Variants in CACNA1S observed in about 807,000 individuals in gnomAD.
CACNA1S encodes voltage-dependent L-type calcium channel subunit alpha-1S.
Under a neutral mutation model 207.4 loss-of-function variants are expected in CACNA1S, and 126 were observed. That is an observed-to-expected ratio of 0.61 (90% CI 0.53 to 0.70). The LOEUF (loss-of-function observed/expected upper bound fraction) is 0.70, where lower values mean the gene tolerates loss of function less well. Among genes scored for constraint, CACNA1S ranks in the 30% least tolerant of loss-of-function variants. The probability of loss-of-function intolerance (pLI) is 0.00; values close to 1 mark genes in which losing one functional copy is unlikely to be tolerated. For synonymous variants in CACNA1S, 960 were observed against 932.7 expected, an observed-to-expected ratio of 1.03 and a Z score of -0.53; for missense variants, 2,349 against 2,422.8, an observed-to-expected ratio of 0.97 and a Z score of 0.64.
At chr1:201,097,097 G>A (rs1662460725) in intron 2 of CACNA1S, among the ~76,000 whole-genome samples, 1 of 152,034 alleles carries the variant, frequency 6.6e-6, no homozygotes, top group Non-Finnish European at 1.5e-5. Flanking sequence ...GGGTCCCAGT[G>A]TCCAGCAGGT....
At chr1:201,071,047 C>T (rs543028338) in intron 16 of CACNA1S, among the ~76,000 whole-genome samples, 1 of 152,274 alleles carries the variant, frequency 6.6e-6, no homozygotes, top group East Asian at 1.9e-4. Flanking sequence ...CAAGCACATT[C>T]ACTGAGTCTC....
chr1:201,059,401 C>A (rs984438367), intron 26 of CACNA1S, 102 bp from the exon 27 acceptor site: 10 of 706,758 alleles, frequency 1.4e-5, no homozygotes, highest in Admixed American at 7.1e-5. Context: ...AGCCCCCAAC[C>A]CTTTCTTGGG....
intron 26 of CACNA1S, among the ~76,000 whole-genome samples, chr1:201,059,567 C>A (rs767097975): frequency 1.3e-5 from 2 of 152,230 alleles, no homozygotes; most frequent in Non-Finnish European, 2.9e-5. Flanking sequence ...CTGCTGAGTG[C>A]GTTCATTTAC....
At chr1:201,106,447 C>A (rs541299397) in intron 2 of CACNA1S, among the ~76,000 whole-genome samples, 5 of 152,268 alleles carry the variant, frequency 3.3e-5, no homozygotes, top group Middle Eastern at 3.4e-3. Context: ...TGCCCAGAAT[C>A]CCCTCTCCCG....
intron 2 of CACNA1S, 36 bp downstream of exon 2, chr1:201,110,128 G>A (rs1663040792): frequency 1.9e-6 from 3 of 1,586,730 alleles, no homozygotes; most frequent in Non-Finnish European, 2.6e-6. Flanking sequence ...TGGGGCTGCA[G>A]GCTCGCAGGA....
chr1:201,041,606 G>A lies in CACNA1S; in HGVS notation c.5049-17C>T, dbSNP rs750638681. 1.3e-6 allele frequency: 2 copies of A among 1,589,622 alleles called. No individual in the cohort carries two copies. The highest frequency in any genetic ancestry group is 2.2e-5 in the South Asian group (2 of 90,524). ...TAGTGGACACTGAAATGGAAGCAAGGCTGGGTGAACCAGAGAAGGCTGCTA... is the reference window on the plus strand; with the variant it reads ...TAGTGGACACTGAAATGGAAGCAAGACTGGGTGAACCAGAGAAGGCTGCTA... On this transcript the variant is annotated splice_polypyrimidine_tract_variant and intron_variant, in intron 40 of 43. Coordinates refer to ENST00000362061, the MANE Select transcript of CACNA1S (RefSeq NM_000069.3).
intron 28 of CACNA1S, among the ~76,000 whole-genome samples, chr1:201,056,216 G>T (rs925327278): frequency 1.3e-5 from 2 of 152,186 alleles, no homozygotes; most frequent in Admixed American, 6.5e-5. Flanking sequence ...GGTGAACAGG[G>T]TTCCCACCCT....
rs762833001 is a variant in CACNA1S, at chr1:201,112,158, C to CGT, written c.152+29_152+30insAC. 5 of 1,598,210 alleles carry CGT rather than the reference C, an allele frequency of 3.1e-6. No homozygotes were observed. In the South Asian group the frequency reaches 5.5e-5, roughly 18 times the overall value. ...GAATCCCTCCCTCATGACGCACACCCCCCCCCACGGCCCGGGCCCTGAAGG... is the reference window on the plus strand; with the variant it reads ...GAATCCCTCCCTCATGACGCACACCCGTCCCCCCACGGCCCGGGCCCTGAAGG... On this transcript the variant is annotated intron_variant, in intron 1 of 43. Coordinates refer to ENST00000362061, the MANE Select transcript of CACNA1S (RefSeq NM_000069.3).
rs781571993 is a variant in CACNA1S at position 201,083,227 on chromosome 1, G to T, written c.1328C>A (p.Ala443Asp). 6.2e-7 allele frequency: 1 copy of T among 1,614,200 alleles called. No homozygotes were observed. The highest frequency in any genetic ancestry group is 1.1e-5 in the South Asian group (1 of 91,086). ...TGAGGCGATAGACAGGGTGTTGAGG[G>T]CAACGATGAGAATCACCAGCCAATA... is the stretch of plus-strand genomic sequence containing the variant. ...VFYWLVILIV[A>D]LNTLSIASEH... The change falls in exon 10 of 44, where the codon GCC becomes GAC. Residue 443 changes from alanine (A) to aspartate (D), a missense_variant. Physicochemically the swap from Ala to Asp is moderately radical, Grantham distance 126 (BLOSUM62 -2). Transcript: ENST00000362061.
intron 2 of CACNA1S, among the ~76,000 whole-genome samples, chr1:201,106,476 G>A (rs895719626): frequency 1.6e-4 from 25 of 152,110 alleles, no homozygotes; most frequent in African/African-American, 5.1e-4. Context: ...TCTACAATGC[G>A]CTCCTTCACA....
chr1:201,087,720 G>GC (rs1435743224), intron 7 of CACNA1S, 106 bp downstream of exon 7: 5 of 739,918 alleles, frequency 6.8e-6, no homozygotes, highest in Middle Eastern at 2.7e-4. Context: ...CTCTCCACTC[G>GC]CCCCCCACCC....
chr1:201,109,290 G>C (rs1572077748), intron 2 of CACNA1S, among the ~76,000 whole-genome samples: 2 of 151,922 alleles, frequency 1.3e-5, no homozygotes, highest in South Asian at 4.2e-4. Flanking sequence ...GACCAAGCTG[G>C]AGGCCCTACC....
Position 201,040,697 on chromosome 1 carries a change from G to A in CACNA1S, c.5151C>T (p.Pro1717=). 6.2e-7 allele frequency: 1 copy of A among 1,614,030 alleles called. No homozygotes were observed. The highest frequency in any genetic ancestry group is 1.1e-5 in the South Asian group (1 of 91,056). Residue 1717 remains proline (P), a synonymous_variant, in exon 42 of 44, where the codon CCC becomes CCT. Transcript: ENST00000362061. The part of the protein sequence containing the change: ...PCRVLGPHSK[P]CVEMLKGLLT... ...GCAGTCCCTTCAGCATCTCCACACAGGGTTTGCTGTGGGGTCCTGTATGCA... is the reference window on the plus strand; with the variant it reads ...GCAGTCCCTTCAGCATCTCCACACAAGGTTTGCTGTGGGGTCCTGTATGCA...
At chr1:201,048,886 G>T (rs1166463185) in intron 35 of CACNA1S, 117 bp downstream of exon 35, 4 of 907,772 alleles carry the variant, frequency 4.4e-6, no homozygotes, top group Non-Finnish European at 5.3e-6. Context: ...AGGAACTTGG[G>T]GACCCAGGAG....
chr1:201,101,886 T>C (rs1320266367), intron 2 of CACNA1S, among the ~76,000 whole-genome samples: 5 of 146,574 alleles, frequency 3.4e-5, no homozygotes, highest in Admixed American at 6.8e-5. Flanking sequence ...TCCTAACAAG[T>C]CCAAAAAAAA....
At chr1:201,091,054 C>T (rs1355892931) in intron 5 of CACNA1S, among the ~76,000 whole-genome samples, 1 of 152,092 alleles carries the variant, frequency 6.6e-6, no homozygotes, top group East Asian at 1.9e-4. Context: ...CAGATCAAAA[C>T]CTATATAAAC....
At position 201,066,803 on chromosome 1, in the gene CACNA1S, A is replaced by T. The variant is rs1014033542; in HGVS notation, c.2657+84T>A. 7.7e-5 allele frequency: 78 copies of T among 1,014,744 alleles called. No homozygotes were observed. Among genetic ancestry groups the T allele is most frequent in the Non-Finnish European group, 1.7e-5 (11 of 659,376 alleles). 62.9% of individuals were successfully genotyped at this position (1,014,744 alleles called of 1,614,324 possible). On this transcript the variant is annotated intron_variant, in intron 20 of 43. Transcript: ENST00000362061. This position sits in a 1 kb window ranked among gnomAD's most constrained non-coding sequence, Gnocchi z 4.3. The stretch of plus-strand genomic sequence containing the variant: ...CCTCCTCTTGTGGCAGGGGCCCACC[A>T]ACATGGGTGGGACTCCCACTACAAA...
Position 201,062,527 on chromosome 1 carries a change from A to G in CACNA1S, c.2854-13T>C, listed in dbSNP as rs777736682. On this transcript the variant is annotated splice_polypyrimidine_tract_variant and intron_variant, in intron 22 of 43. Transcript: ENST00000362061. Reference sequence around the variant, plus strand: ...TGAAGAACTTCCCCTGCAGCCAGGAAGAGGGAGGGAGGGAGGGAGGCATGT... The same window carrying G: ...TGAAGAACTTCCCCTGCAGCCAGGAGGAGGGAGGGAGGGAGGGAGGCATGT... 2.6e-6 allele frequency: 3 copies of G among 1,157,560 alleles called. No homozygotes were observed. The highest frequency in any genetic ancestry group is 1.8e-5 in the Admixed American group (1 of 55,586). The allele number at this position is 1,157,560 out of a possible 1,614,324, so 71.7% of individuals were successfully genotyped here.
At chr1:201,059,103 G>T (rs1660951396) in intron 27 of CACNA1S, 86 bp downstream of exon 27, 2 of 846,342 alleles carry the variant, frequency 2.4e-6, no homozygotes, top group Non-Finnish European at 2.0e-6. Flanking sequence ...GCCCTGATAG[G>T]ATGAGGGATG....
Sources: allele counts gnomAD v4.1 joint callset (sites outside exome capture counted in the v4.1 genomes callset), GRCh38; gene constraint gnomAD v4.1.1; non-coding constraint Gnocchi (gnomAD v3.1); transcripts MANE v1.5; gene names NCBI Gene and HGNC (gene_info 2026-07-23, HGNC 2026-07-21).